The following B3GALT5 variants were observed in gnomAD, a reference collection of about 807,000 sequenced individuals.
The protein encoded by B3GALT5 is beta-1,3-galactosyltransferase 5, also known as UDP-Gal:betaGlcNAc beta 1,3-galactosyltransferase, polypeptide 5.
For missense variants in B3GALT5, 328 were observed against 396.6 expected (o/e 0.83, Z 1.47); for synonymous variants, 156 against 158.6 (o/e 0.98, Z 0.12).
In B3GALT5 at chr21:39,645,102, G is replaced by GT. The variant is rs1569214860; in HGVS notation, c.-391-1289dup. Among the ~76,000 whole-genome samples the GT allele has an allele frequency of 2.0e-5, 3 of 152,044 alleles. No homozygotes were observed. The South Asian group carries it at 6.2e-4, about 32-fold the overall frequency. The stretch of plus-strand genomic sequence containing the variant: ...CTAAGTCATGGCTGGAAGACACCAC[G>GT]TATTTCTCTGCTGGCCTGTATCTAC... On this transcript the variant is annotated intron_variant, in intron 1 of 3. Coordinates refer to ENST00000684187, the MANE Select transcript of B3GALT5 (RefSeq NM_001356336.2).
chr21:39,626,194 G>C (rs1289946651), intron 1 of B3GALT5, among the ~76,000 whole-genome samples: 2 of 152,114 alleles, frequency 1.3e-5, no homozygotes, highest in African/African-American at 2.4e-5. Context: ...GTCCTGTTGT[G>C]TCTGGTTTAT....
Position 39,672,642 on chromosome 21 carries a change from C to G in B3GALT5, c.*11150C>G, listed in dbSNP as rs1028423883. ...TTGTCGATTGATGTGATAATTCACT[C>G]TTCCCGAAAAATTGGCAAGGTAATG... On this transcript the variant is annotated 3_prime_UTR_variant, in exon 4 of 4. Coordinates refer to ENST00000684187, the MANE Select transcript of B3GALT5 (RefSeq NM_001356336.2). 1 of 152,184 alleles carries G rather than the reference C, an allele frequency of 6.6e-6. No individual in the cohort carries two copies. Among genetic ancestry groups the G allele is most frequent in the African/African-American group, 2.4e-5 (1 of 41,442 alleles). The allele number at this position is 152,184 out of a possible 1,614,324, so 9.4% of individuals were successfully genotyped here.
intron 1 of B3GALT5, among the ~76,000 whole-genome samples, chr21:39,629,057 G>C (rs2079178728): frequency 6.6e-6 from 1 of 152,024 alleles, no homozygotes; most frequent in African/African-American, 2.4e-5. Flanking sequence ...TGTCGCCCAG[G>C]TTGGAGTGCA....
chr21:39,616,865 T>G (rs2079109842), intron 1 of B3GALT5, among the ~76,000 whole-genome samples: 1 of 152,226 alleles, frequency 6.6e-6, no homozygotes, highest in South Asian at 2.1e-4. Context: ...CAGGATACAC[T>G]CAGGTTTTGG....
At chr21:39,650,687 C>T (rs1001960323) in intron 2 of B3GALT5, among the ~76,000 whole-genome samples, 1 of 152,154 alleles carries the variant, frequency 6.6e-6, no homozygotes, top group Non-Finnish European at 1.5e-5. Flanking sequence ...GGGTGCTCTC[C>T]TGTGGCTCTG....
rs754346317 is a variant in B3GALT5, at chr21:39,661,204, C to T, written c.645C>T (p.Ser215=). 31 of 1,614,028 alleles carry T rather than the reference C, an allele frequency of 1.9e-5. 1 individual carries two copies. Among genetic ancestry groups the T allele is most frequent in the Non-Finnish European group, 2.1e-5 (25 of 1,180,046 alleles). Residue 215 remains serine, a synonymous_variant, in exon 4 of 4, where the codon TCC becomes TCT. Transcript: ENST00000684187. This position sits in a 1 kb window ranked among gnomAD's most constrained non-coding sequence, Gnocchi z 4.7. ...YPWDRYPPFC[S]GTGYVFSGDV... is the part of the protein sequence containing the mutation. ...GGGACAGGTACCCACCATTCTGCTC[C>T]GGCACCGGCTACGTGTTTTCTGGCG...
intron 1 of B3GALT5, among the ~76,000 whole-genome samples, chr21:39,619,670 G>C (rs1346822166): frequency 6.6e-6 from 1 of 152,126 alleles, no homozygotes; most frequent in African/African-American, 2.4e-5. Context: ...TGAGATCTCT[G>C]TTCTGTTTTG....
intron 2 of B3GALT5, among the ~76,000 whole-genome samples, chr21:39,652,163 G>C (rs539431430): frequency 6.6e-6 from 1 of 152,342 alleles, no homozygotes; most frequent in African/African-American, 2.4e-5. Context: ...TCTCACTGCA[G>C]GTGCCAGCGG....
rs1397413123 is a variant in B3GALT5 at position 39,669,810 on chromosome 21, T to G, written c.*8318T>G. 6.6e-6 allele frequency: 1 copy of G among 152,288 alleles called. No homozygotes were observed. Among genetic ancestry groups the G allele is most frequent in the South Asian group, 2.1e-4 (1 of 4,818 alleles). The allele number at this position is 152,288 out of a possible 1,614,324, so 9.4% of individuals were successfully genotyped here. On this transcript the variant is annotated 3_prime_UTR_variant, in exon 4 of 4. Coordinates refer to ENST00000684187, the MANE Select transcript of B3GALT5 (RefSeq NM_001356336.2). ...TGCCTCCCGCGAGCAGCCTTGCTTT[T>G]CTCCACTTGGCACAGTGGTGAGTCC... is the stretch of plus-strand genomic sequence containing the variant.
chr21:39,647,707 T>A (rs994288346), intron 2 of B3GALT5, among the ~76,000 whole-genome samples: 21 of 152,164 alleles, frequency 1.4e-4, no homozygotes, highest in African/African-American at 5.1e-4. Context: ...GCATGCTGAA[T>A]TCCTATCACT....
chr21:39,623,216 TCCCTC>T (rs2079144384), intron 1 of B3GALT5, among the ~76,000 whole-genome samples: 2 of 48,950 alleles, frequency 4.1e-5, no homozygotes, highest in African/African-American at 1.6e-4. Context: ...CCTCCCTCCC[TCCCTC>T]CCTCCCTCCC....
At chr21:39,657,690 T>A (rs1296715697) in intron 2 of B3GALT5, 1 of 405,520 alleles carries the variant, frequency 2.5e-6, no homozygotes, top group East Asian at 3.6e-5. Context: ...TCTGTCTACC[T>A]ACCGACTTAC....
At chr21:39,613,424 A>T (rs1039927792) in intron 1 of B3GALT5, among the ~76,000 whole-genome samples, 1 of 152,166 alleles carries the variant, frequency 6.6e-6, no homozygotes, top group African/African-American at 2.4e-5. Flanking sequence ...GCCTAATCTT[A>T]AGCAACAACA....
intron 1 of B3GALT5, among the ~76,000 whole-genome samples, chr21:39,629,047 T>C (rs1238274481): frequency 6.6e-6 from 1 of 152,130 alleles, no homozygotes; most frequent in Non-Finnish European, 1.5e-5. Context: ...AGTCTCGCTC[T>C]GTCGCCCAGG....
intron 1 of B3GALT5, among the ~76,000 whole-genome samples, chr21:39,639,400 T>TTCTTTTTCTTTC (rs1339331444): frequency 2.3e-4 from 13 of 57,200 alleles, no homozygotes; most frequent in African/African-American, 8.9e-4. Flanking sequence ...CCTTCTTTCT[T>TTCTTTTTCTTTC]TTTCTTTCTT....
At position 39,661,447 on chromosome 21, in the gene B3GALT5, G is replaced by T; in HGVS notation, c.888G>T (p.Trp296Cys). Residue 296 changes from tryptophan to cysteine, a missense_variant, in exon 4 of 4, where the codon TGG (tryptophan) becomes TGT (cysteine). Physicochemically the swap from Trp to Cys is radical, Grantham distance 215. Coordinates refer to ENST00000684187, the MANE Select transcript of B3GALT5 (RefSeq NM_001356336.2). This position sits in a 1 kb window ranked among gnomAD's most constrained non-coding sequence, Gnocchi z 4.7. ...FIKPRTLLDY[W>C]QALENSRGED... Reference sequence around the variant, plus strand: ...AGCCTCGGACTCTCTTGGACTACTGGCAGGCTCTAGAGAATTCCCGGGGGG... The same window carrying T: ...AGCCTCGGACTCTCTTGGACTACTGTCAGGCTCTAGAGAATTCCCGGGGGG... The T allele has an allele frequency of 6.5e-7, 1 of 1,526,826 alleles. No homozygotes were observed. The highest frequency in any genetic ancestry group is 8.8e-7 in the Non-Finnish European group (1 of 1,139,044). The allele number at this position is 1,526,826 out of a possible 1,614,324, so 94.6% of individuals were successfully genotyped here.
intron 1 of B3GALT5, among the ~76,000 whole-genome samples, chr21:39,614,205 T>G (rs1320288413): frequency 6.6e-6 from 1 of 152,226 alleles, no homozygotes; most frequent in Non-Finnish European, 1.5e-5. Context: ...GCGTGTAATA[T>G]GCAAATTTGG....
Position 39,627,617 on chromosome 21 carries a change from T to C in B3GALT5, c.-392+14550T>C, listed in dbSNP as rs1229843712. 2.0e-5 allele frequency among the ~76,000 whole-genome samples: 3 copies of C among 152,188 alleles called. No individual in the cohort carries two copies. In the East Asian group the frequency reaches 5.8e-4, roughly 29 times the overall value. On this transcript the variant is annotated intron_variant, in intron 1 of 3. Transcript: ENST00000684187. The stretch of plus-strand genomic sequence containing the variant: ...TCTTTGCTATTCATTTTTCTGCTCC[T>C]GGACATTTTCCCATTCTTTCCATTT...
At chr21:39,623,968 C>A (rs181118161) in intron 1 of B3GALT5, among the ~76,000 whole-genome samples, 29 of 152,232 alleles carry the variant, frequency 1.9e-4, no homozygotes, top group Admixed American at 1.8e-3. Context: ...CTTTGTCTGT[C>A]CAATAAGTCC....
Sources: gnomAD v4.1 joint callset for allele counts (sites outside exome capture counted in the v4.1 genomes callset) on GRCh38, gnomAD v4.1.1 for gene constraint, Gnocchi (gnomAD v3.1) non-coding constraint, MANE v1.5 for transcripts, NCBI Gene and HGNC (gene_info 2026-07-23, HGNC 2026-07-21) for gene names.